ME1: variants seen among roughly 807,000 people sequenced by gnomAD.
ME1 encodes the protein malic enzyme 1.
Under a neutral mutation model 66.4 loss-of-function variants are expected in ME1, and 74 were observed. The ratio of observed to expected loss-of-function variants is 1.11; its 90% CI spans 0.92 to 1.35. The LOEUF (loss-of-function observed/expected upper bound fraction) is 1.35. Among genes scored for constraint, ME1 ranks in the 40% most tolerant of loss-of-function variants. The probability of loss-of-function intolerance (pLI) is 0.00; values close to 1 mark genes in which losing one functional copy is unlikely to be tolerated. For synonymous variants in ME1, 251 were observed against 235.6 expected (o/e 1.07, Z -0.60); for missense variants, 750 against 694.1 (o/e 1.08, Z -0.90).
chr6:83,234,692 C>A (rs1790365110), intron 9 of ME1, among the ~76,000 whole-genome samples: 1 of 152,082 alleles, frequency 6.6e-6, no homozygotes, highest in African/African-American at 2.4e-5. Flanking sequence ...GTAACTAGTT[C>A]TTTTTCTCAG....
intron 1 of ME1, among the ~76,000 whole-genome samples, chr6:83,426,402 A>T (rs1017615197): frequency 6.6e-6 from 1 of 152,340 alleles, no homozygotes. Flanking sequence ...CCACTGCAGC[A>T]AGGTAACAAA....
chr6:83,223,029 G>GAATAAT (rs1283749354), intron 12 of ME1, among the ~76,000 whole-genome samples: 2 of 152,278 alleles, frequency 1.3e-5, no homozygotes, highest in East Asian at 3.9e-4. Flanking sequence ...ACTGAACCCT[G>GAATAAT]AATAATAAAC....
At chr6:83,283,321 A>T (rs1767340848) in intron 6 of ME1, among the ~76,000 whole-genome samples, 1 of 151,612 alleles carries the variant, frequency 6.6e-6, no homozygotes, top group Admixed American at 6.6e-5. Context: ...TAACACAGGA[A>T]CAGAAAACCA....
chr6:83,242,279 A>C (rs890946540), intron 7 of ME1, among the ~76,000 whole-genome samples: 1 of 152,206 alleles, frequency 6.6e-6, no homozygotes, highest in African/African-American at 2.4e-5. Flanking sequence ...ACATAACAAC[A>C]TATGGTTGTT....
intron 2 of ME1, 22 bp downstream of exon 2, chr6:83,407,746 A>C (rs1450110809): frequency 6.5e-7 from 1 of 1,548,334 alleles, no homozygotes; most frequent in Non-Finnish European, 8.7e-7. Context: ...AAATATAAAA[A>C]CCACCTTCAG....
intron 13 of ME1, among the ~76,000 whole-genome samples, chr6:83,213,301 G>A (rs1305122388): frequency 2.0e-5 from 3 of 150,728 alleles, no homozygotes; most frequent in Non-Finnish European, 4.4e-5. Context: ...GTGCATGCCT[G>A]TAACCCTAGC....
intron 8 of ME1, 78 bp from the exon 9 acceptor site, chr6:83,237,908 CT>C: frequency 1.5e-6 from 1 of 666,872 alleles, no homozygotes; most frequent in Non-Finnish European, 2.4e-6. Context: ...CCCATTTTGT[CT>C]TTGTTAGTGG....
At chr6:83,361,992 C>G (rs12697920) in intron 3 of ME1, among the ~76,000 whole-genome samples, 1 of 152,014 alleles carries the variant, frequency 6.6e-6, no homozygotes, top group African/African-American at 2.4e-5. Flanking sequence ...CTATGATCAG[C>G]TGACAAAGGA....
chr6:83,234,762 C>G lies in ME1; in HGVS notation c.1026+2955G>C, dbSNP rs535202347. Among the ~76,000 whole-genome samples the G allele has an allele frequency of 1.9e-4, 24 of 129,092 alleles. No individual in the cohort carries two copies. The East Asian group carries it at 2.6e-3, about 14-fold the overall frequency. 84.7% of individuals were successfully genotyped at this position (129,092 alleles called of 152,430 possible). ...ATCAGAGTAAAGGAGAGGCAAACCC[C>G]CCTGCACAGGTTTGTTTAATTGCTC... On this transcript the variant is annotated intron_variant, in intron 9 of 13. Transcript: ENST00000369705.
At position 83,370,886 on chromosome 6, in the gene ME1, T is replaced by C. The variant is rs114377137; in HGVS notation, c.363-18747A>G. The stretch of plus-strand genomic sequence containing the variant: ...ATTCTATGATGGAAGTGCACCAGAA[T>C]GACTCCATGCTTTTATGCAAGAAGT... On this transcript the variant is annotated intron_variant, in intron 3 of 13. Transcript: ENST00000369705. Among the ~76,000 whole-genome samples, 803 of 152,220 alleles carry C rather than the reference T, an allele frequency of 5.3e-3. 8 individuals are homozygous for C. Among genetic ancestry groups the C allele is most frequent in the African/African-American group, 0.018 (757 of 41,546 alleles).
At chr6:83,361,124 T>C (rs989972720) in intron 3 of ME1, among the ~76,000 whole-genome samples, 5 of 152,220 alleles carry the variant, frequency 3.3e-5, no homozygotes, top group East Asian at 1.9e-4. Context: ...ATTATGCTGA[T>C]TGCATCCAGT....
intron 7 of ME1, among the ~76,000 whole-genome samples, chr6:83,252,108 G>T (rs1233948304): frequency 6.6e-6 from 1 of 152,198 alleles, no homozygotes; most frequent in Non-Finnish European, 1.5e-5. Flanking sequence ...GTGATAGACT[G>T]TATTTGGTGG....
chr6:83,360,478 T>A (rs1341644197), intron 3 of ME1, among the ~76,000 whole-genome samples: 3 of 152,216 alleles, frequency 2.0e-5, no homozygotes, highest in Non-Finnish European at 2.9e-5. Flanking sequence ...GGACTCATCC[T>A]ATGGTCATTT....
chr6:83,379,551 T>A (rs962230673), intron 3 of ME1, among the ~76,000 whole-genome samples: 4 of 152,080 alleles, frequency 2.6e-5, no homozygotes, highest in Admixed American at 2.6e-4. Flanking sequence ...TTTATATGAA[T>A]CTTGATTTGT....
At chr6:83,409,051 G>A (rs1453645159) in intron 1 of ME1, among the ~76,000 whole-genome samples, 1 of 152,050 alleles carries the variant, frequency 6.6e-6, no homozygotes, top group Non-Finnish European at 1.5e-5. Context: ...GTACCTCAGA[G>A]AGCTTTTCAC....
intron 9 of ME1, among the ~76,000 whole-genome samples, chr6:83,236,681 G>A (rs1790407564): frequency 6.6e-6 from 1 of 152,142 alleles, no homozygotes; most frequent in Non-Finnish European, 1.5e-5. Flanking sequence ...AGAAACTCAA[G>A]CTCAGGTAAG....
intron 6 of ME1, among the ~76,000 whole-genome samples, chr6:83,280,124 G>A (rs904339450): frequency 6.6e-6 from 1 of 152,050 alleles, no homozygotes; most frequent in Non-Finnish European, 1.5e-5. Flanking sequence ...AGATAAGAAA[G>A]AAAATGATAT....
chr6:83,357,923 CTCTCTCTCTCTCTATA>C (rs1374049793), intron 3 of ME1, among the ~76,000 whole-genome samples: 1 of 57,046 alleles, frequency 1.8e-5, no homozygotes, highest in Non-Finnish European at 3.6e-5. Flanking sequence ...CTCTCTCTCT[CTCTCTCTCTCTCTATA>C]TATATATATA....
chr6:83,306,961 G>A (rs966307414), intron 6 of ME1, among the ~76,000 whole-genome samples: 10 of 152,014 alleles, frequency 6.6e-5, no homozygotes, highest in Admixed American at 1.3e-4. Flanking sequence ...AGAATAAAAT[G>A]GAATTAGGCA....
Sources: gnomAD v4.1 joint callset for allele counts (sites outside exome capture counted in the v4.1 genomes callset) on GRCh38, gnomAD v4.1.1 for gene constraint, MANE v1.5 for transcripts, NCBI Gene and HGNC (gene_info 2026-07-23, HGNC 2026-07-21) for gene names.